The following EPM2A variants were observed in gnomAD, a reference collection of about 807,000 sequenced individuals.
EPM2A encodes laforin.
EPM2A carries 21 observed loss-of-function variants against 26.5 expected under a neutral mutation model. That is an observed-to-expected ratio of 0.79 (90% CI 0.56 to 1.14). The LOEUF is 1.14. EPM2A is among the 50% of genes most tolerant of loss of function. EPM2A has a pLI of 0.00. For missense variants in EPM2A, 458 were observed against 440.8 expected, an observed-to-expected ratio of 1.04 and a Z score of -0.35; for synonymous variants, 217 against 177.6, an observed-to-expected ratio of 1.22 and a Z score of -1.76.
At chr6:145,704,167 C>A (rs1179649985) in intron 1 of EPM2A, among the ~76,000 whole-genome samples, 1 of 152,054 alleles carries the variant, frequency 6.6e-6, no homozygotes, top group East Asian at 1.9e-4. Context: ...AAAGAGACTG[C>A]AGTCACATTT....
At chr6:145,564,675 T>A (rs1279999258) in intron 2 of EPM2A, among the ~76,000 whole-genome samples, 1 of 151,358 alleles carries the variant, frequency 6.6e-6, no homozygotes, top group Non-Finnish European at 1.5e-5. Flanking sequence ...ACTCAAAGTA[T>A]GGAGATGGCC....
At chr6:145,654,177 T>C (rs1183468822) in intron 2 of EPM2A, among the ~76,000 whole-genome samples, 2 of 148,326 alleles carry the variant, frequency 1.3e-5, no homozygotes, top group African/African-American at 4.9e-5. Flanking sequence ...TTTAACATTT[T>C]CTACATAGAC....
At chr6:145,457,501 AAAAG>A (rs1254802356) in intron 4 of EPM2A, among the ~76,000 whole-genome samples, 3 of 151,816 alleles carry the variant, frequency 2.0e-5, no homozygotes, top group African/African-American at 4.8e-5. Context: ...AAAAAAAAGA[AAAAG>A]AAAAAAATAT....
At chr6:145,388,457 CT>C (rs1778292345) in intron 4 of EPM2A, among the ~76,000 whole-genome samples, 1 of 152,162 alleles carries the variant, frequency 6.6e-6, no homozygotes, top group African/African-American at 2.4e-5. Flanking sequence ...ATGTTGCCCC[CT>C]AACCCCAGAT....
chr6:145,389,258 C>A (rs555897958), intron 4 of EPM2A, among the ~76,000 whole-genome samples: 1 of 150,482 alleles, frequency 6.6e-6, no homozygotes, highest in African/African-American at 2.5e-5. Flanking sequence ...AGTGGCACAT[C>A]GGCTCACTGC....
rs188168794 is a variant in EPM2A at position 145,720,211 on chromosome 6, A to G, written c.301+14987T>C. On this transcript the variant is annotated intron_variant, in intron 1 of 3. Transcript: ENST00000367519. The stretch of plus-strand genomic sequence containing the variant: ...GACTGAAGTCTGTGCAAAAAAGCAT[A>G]CATAGCTCTGGAGTAAAGAACTTTT... 4.4e-4 allele frequency among the ~76,000 whole-genome samples: 67 copies of G among 152,324 alleles called. No individual in the cohort carries two copies. In the East Asian group the frequency reaches 0.012, roughly 28 times the overall value.
At chr6:145,396,771 T>C (rs1280294156) in intron 4 of EPM2A, among the ~76,000 whole-genome samples, 1 of 152,234 alleles carries the variant, frequency 6.6e-6, no homozygotes, top group African/African-American at 2.4e-5. Context: ...TATGTTCTTG[T>C]AGTGGTGACG....
chr6:145,475,187 C>T (rs1022404424), intron 4 of EPM2A, among the ~76,000 whole-genome samples: 1 of 152,062 alleles, frequency 6.6e-6, no homozygotes, highest in Non-Finnish European at 1.5e-5. Flanking sequence ...TTTTGCAGCA[C>T]TGTTCAAAAT....
chr6:145,559,124 T>C (rs1363927309), intron 2 of EPM2A, among the ~76,000 whole-genome samples: 2 of 152,112 alleles, frequency 1.3e-5, no homozygotes, highest in Non-Finnish European at 2.9e-5. Context: ...TCAGTAACTT[T>C]GTATAAAATA....
rs1388785077 is a variant in EPM2A, at chr6:145,679,784, T to C, written c.476+6338A>G. 2.6e-5 allele frequency among the ~76,000 whole-genome samples: 4 copies of C among 152,176 alleles called. 1 individual carries two copies. The highest frequency in any genetic ancestry group is 9.7e-5 in the African/African-American group (4 of 41,446). ...GAACATAAAAGATTGGAAAGCATAA[T>C]GGCTTTGACTTCTCAATAGCAACCT... is the stretch of plus-strand genomic sequence containing the variant. On this transcript the variant is annotated intron_variant, in intron 2 of 3. Coordinates refer to ENST00000367519, the MANE Select transcript of EPM2A (RefSeq NM_005670.4).
At chr6:145,439,387 T>G (rs1779032583) in intron 4 of EPM2A, among the ~76,000 whole-genome samples, 1 of 152,186 alleles carries the variant, frequency 6.6e-6, no homozygotes, top group Non-Finnish European at 1.5e-5. Context: ...GAATCACCAC[T>G]CTGCTTTCCA....
chr6:145,632,859 C>G (rs1260518380), intron 3 of EPM2A, among the ~76,000 whole-genome samples: 1 of 152,216 alleles, frequency 6.6e-6, no homozygotes, highest in Admixed American at 6.5e-5. Flanking sequence ...CCTTAGATTA[C>G]ACCCCCAGGT....
intron 2 of EPM2A, among the ~76,000 whole-genome samples, chr6:145,579,753 TG>T (rs1355536229): frequency 6.6e-6 from 1 of 152,170 alleles, no homozygotes; most frequent in Non-Finnish European, 1.5e-5. Context: ...TATGTCTTAG[TG>T]TCTTTTTTCC....
At chr6:145,421,090 G>A (rs2114683385) in intron 4 of EPM2A, among the ~76,000 whole-genome samples, 1 of 152,272 alleles carries the variant, frequency 6.6e-6, no homozygotes, top group African/African-American at 2.4e-5. Context: ...CAAATTCTTT[G>A]AGAACCGAAG....
chr6:145,442,728 G>A (rs1246119702), intron 4 of EPM2A, among the ~76,000 whole-genome samples: 2 of 151,850 alleles, frequency 1.3e-5, no homozygotes, highest in East Asian at 4.0e-4. Context: ...ATGGTAGTAG[G>A]TGTGTGGCTT....
intron 1 of EPM2A, among the ~76,000 whole-genome samples, chr6:145,708,086 C>A (rs900356146): frequency 1.3e-5 from 2 of 152,052 alleles, no homozygotes; most frequent in African/African-American, 4.8e-5. Flanking sequence ...CCATTTGGGC[C>A]CTGCCCTAGA....
intron 4 of EPM2A, among the ~76,000 whole-genome samples, chr6:145,483,997 T>C (rs1779640643): frequency 6.6e-6 from 1 of 152,140 alleles, no homozygotes; most frequent in South Asian, 2.1e-4. Flanking sequence ...GGCTATACCT[T>C]ACAACACCAT....
At chr6:145,616,909 T>A (rs192207580) in intron 2 of EPM2A, among the ~76,000 whole-genome samples, 1 of 152,214 alleles carries the variant, frequency 6.6e-6, no homozygotes, top group South Asian at 2.1e-4. Flanking sequence ...TACAGGCTCA[T>A]AGGTGGAAGG....
intron 2 of EPM2A, among the ~76,000 whole-genome samples, chr6:145,522,195 G>A (rs568972408): frequency 1.4e-4 from 22 of 151,976 alleles, no homozygotes; most frequent in Admixed American, 1.2e-3. Flanking sequence ...TTCGTGATCC[G>A]CCTGCCTCAG....
Sources: gnomAD v4.1 joint callset for allele counts (sites outside exome capture counted in the v4.1 genomes callset) on GRCh38, gnomAD v4.1.1 for gene constraint, MANE v1.5 for transcripts, NCBI Gene and HGNC (gene_info 2026-07-23, HGNC 2026-07-21) for gene names.